Variants in APAF1 observed in about 807,000 individuals in gnomAD.
APAF1 encodes the protein apoptotic protease-activating factor 1.
APAF1 carries 91 observed loss-of-function variants against 152.4 expected under a neutral mutation model. The observed-to-expected ratio is 0.60, with a 90% CI of 0.50 to 0.71. APAF1 has a LOEUF of 0.71. Ranked by LOEUF, APAF1 falls within the 30% of genes least tolerant of loss-of-function variation. APAF1 has a pLI of 0.00. For missense variants in APAF1, 1,283 were observed against 1,472.0 expected, an observed-to-expected ratio of 0.87 and a Z score of 2.10; for synonymous variants, 484 against 494.1, an observed-to-expected ratio of 0.98 and a Z score of 0.27.
In APAF1 at chr12:98,648,800, G is replaced by A; in HGVS notation, c.313G>A (p.Gly105Arg). Reference protein sequence around the residue: ...SSSSGKDSVSGITSYVRTVLC... With the variant: ...SSSSGKDSVSRITSYVRTVLC... Reference sequence around the variant, plus strand: ...TTCCAGTGGTAAAGATTCAGTTAGTGGAATAACTTCGTATGGTTTGTATCC... The same window carrying A: ...TTCCAGTGGTAAAGATTCAGTTAGTAGAATAACTTCGTATGGTTTGTATCC... The change falls in exon 3 of 27, where the codon GGA becomes AGA. Residue 105 changes from glycine to arginine, a missense_variant. Physicochemically the swap from Gly to Arg is moderately radical, Grantham distance 125 (BLOSUM62 -2). Transcript: ENST00000551964. The A allele has an allele frequency of 6.2e-7, 1 of 1,613,786 alleles. No individual in the cohort carries two copies. Among genetic ancestry groups the A allele is most frequent in the South Asian group, 1.1e-5 (1 of 91,074 alleles).
intron 14 of APAF1, among the ~76,000 whole-genome samples, chr12:98,681,876 G>A (rs925074632): frequency 5.3e-5 from 8 of 152,246 alleles, no homozygotes; most frequent in Admixed American, 4.6e-4. Context: ...GACCTCTGGG[G>A]ATTCTAATCA....
rs2097687838 is a variant in APAF1 at position 98,677,468 on chromosome 12, C to T, written c.1837C>T (p.Pro613Ser). Reference sequence around the variant, plus strand: ...GAATCTTTCCCGCTTAGTTGTCCGCCCCCACACAGATGCTGTTTACCATGC... The same window carrying T: ...GAATCTTTCCCGCTTAGTTGTCCGCTCCCACACAGATGCTGTTTACCATGC... ...ITNLSRLVVR[P>S]HTDAVYHACF... The change falls in exon 13 of 27, where the codon CCC becomes TCC. Residue 613 changes from proline to serine, a missense_variant. By Grantham distance (74) the Pro-to-Ser change is moderately conservative. Coordinates refer to ENST00000551964, the MANE Select transcript of APAF1 (RefSeq NM_181861.2). The T allele has an allele frequency of 6.2e-7, 1 of 1,614,008 alleles. No individual in the cohort carries two copies.
intron 13 of APAF1, among the ~76,000 whole-genome samples, chr12:98,679,305 C>T (rs2097689871): frequency 6.6e-6 from 1 of 152,130 alleles, no homozygotes; most frequent in African/African-American, 2.4e-5. Context: ...GAGGAGCTAC[C>T]CTCTCTGCTG....
rs1211761456 is a variant in APAF1, at chr12:98,727,299, G to C, written c.3583G>C (p.Ala1195Pro). 1 of 1,613,964 alleles carries C rather than the reference G, an allele frequency of 6.2e-7. No individual in the cohort carries two copies. Among genetic ancestry groups the C allele is most frequent in the Non-Finnish European group, 8.5e-7 (1 of 1,180,012 alleles). ...FSPDGKMLIS[A>P]GGYIKWWNVV... is the part of the protein sequence containing the mutation. ...TCCAGATGGCAAAATGCTTATCTCTGCTGGAGGATATATTAAGGTAAGAGT... is the reference window on the plus strand; with the variant it reads ...TCCAGATGGCAAAATGCTTATCTCTCCTGGAGGATATATTAAGGTAAGAGT... The change falls in exon 26 of 27, where the codon GCT becomes CCT. Residue 1195 changes from alanine to proline, a missense_variant. Coordinates refer to ENST00000551964, the MANE Select transcript of APAF1 (RefSeq NM_181861.2).
chr12:98,662,606 T>A lies in APAF1; in HGVS notation c.823+38T>A. The stretch of plus-strand genomic sequence containing the variant: ...CGTTTACTTTTTAGTACCTTTATAT[T>A]TAATTTAATTACATTTAAATATGTG... On this transcript the variant is annotated intron_variant, in intron 6 of 26. Coordinates refer to ENST00000551964, the MANE Select transcript of APAF1 (RefSeq NM_181861.2). 7 of 1,599,120 alleles carry A rather than the reference T, an allele frequency of 4.4e-6. No homozygotes were observed. In the African/African-American group the frequency reaches 5.4e-5, roughly 12 times the overall value.
At chr12:98,671,290 G>A (rs1365672495) in intron 11 of APAF1, among the ~76,000 whole-genome samples, 1 of 152,042 alleles carries the variant, frequency 6.6e-6, no homozygotes. Context: ...AGGAAAATAA[G>A]ATGTTCAGTG....
chr12:98,660,604 C>A lies in APAF1; in HGVS notation c.710+1261C>A, dbSNP rs117235066. On this transcript the variant is annotated intron_variant, in intron 5 of 26. Coordinates refer to ENST00000551964, the MANE Select transcript of APAF1 (RefSeq NM_181861.2). ...TTGCTGCTTGTCTTAAGAGTATAACCTTGGATTCAGTCAACAATTTGATTT... is the reference window on the plus strand; with the variant it reads ...TTGCTGCTTGTCTTAAGAGTATAACATTGGATTCAGTCAACAATTTGATTT... 5.2e-3 allele frequency among the ~76,000 whole-genome samples: 790 copies of A among 152,294 alleles called. 2 individuals carry two copies. Among genetic ancestry groups the A allele is most frequent in the Non-Finnish European group, 8.2e-3 (557 of 68,024 alleles).
At chr12:98,724,292 T>A (rs2097747226) in intron 24 of APAF1, among the ~76,000 whole-genome samples, 3 of 152,136 alleles carry the variant, frequency 2.0e-5, no homozygotes, top group South Asian at 4.1e-4. Flanking sequence ...TCTTCTCCTC[T>A]TTGTCACCAC....
intron 14 of APAF1, among the ~76,000 whole-genome samples, chr12:98,681,359 G>A (rs748926828): frequency 1.3e-5 from 2 of 152,148 alleles, no homozygotes; most frequent in African/African-American, 2.4e-5. Flanking sequence ...ACTGTGCCCC[G>A]CCAGAGAGTA....
chr12:98,705,841 T>C (rs2097720813), intron 18 of APAF1, among the ~76,000 whole-genome samples: 1 of 152,222 alleles, frequency 6.6e-6, no homozygotes, highest in African/African-American at 2.4e-5. Context: ...TTCATCCTAT[T>C]ATTTTTTGGA....
chr12:98,670,330 G>A (rs1041355262), intron 10 of APAF1, among the ~76,000 whole-genome samples: 5 of 152,032 alleles, frequency 3.3e-5, no homozygotes, highest in Admixed American at 6.6e-5. Flanking sequence ...TTTGATTACC[G>A]GTGAGATTTT....
chr12:98,706,378 T>C, intron 18 of APAF1, 107 bp from the exon 19 acceptor site: 1 of 1,068,488 alleles, frequency 9.4e-7, no homozygotes, highest in Non-Finnish European at 1.5e-6. Flanking sequence ...TTCTGAGCAA[T>C]ATTCATTGAA....
chr12:98,648,079 A>G (rs2097644150), intron 1 of APAF1, among the ~76,000 whole-genome samples: 1 of 152,188 alleles, frequency 6.6e-6, no homozygotes, highest in South Asian at 2.1e-4. Flanking sequence ...CTTATTTTAA[A>G]CAATTCCATA....
intron 13 of APAF1, among the ~76,000 whole-genome samples, chr12:98,678,481 A>T (rs1050896416): frequency 6.6e-6 from 1 of 152,190 alleles, no homozygotes; most frequent in Non-Finnish European, 1.5e-5. Flanking sequence ...TGGACCTGGG[A>T]ACCCGCTCCA....
At chr12:98,647,130 G>T (rs1409127719) in intron 1 of APAF1, among the ~76,000 whole-genome samples, 3 of 151,844 alleles carry the variant, frequency 2.0e-5, no homozygotes, top group Non-Finnish European at 4.4e-5. Context: ...ATTGACAGTA[G>T]AGGCCGGGCA....
At chr12:98,709,412 G>A (rs1450267942) in intron 20 of APAF1, among the ~76,000 whole-genome samples, 1 of 152,128 alleles carries the variant, frequency 6.6e-6, no homozygotes, top group African/African-American at 2.4e-5. Flanking sequence ...CAGAGGAATG[G>A]TATTCAGGAG....
intron 18 of APAF1, among the ~76,000 whole-genome samples, chr12:98,704,510 T>C (rs1272047966): frequency 2.0e-5 from 3 of 152,230 alleles, no homozygotes; most frequent in African/African-American, 7.2e-5. Context: ...TGCCCATTAC[T>C]GTGAAGGTGT....
intron 20 of APAF1, among the ~76,000 whole-genome samples, chr12:98,710,495 G>C (rs2097726781): frequency 6.6e-6 from 1 of 152,180 alleles, no homozygotes; most frequent in Non-Finnish European, 1.5e-5. Flanking sequence ...GAAGACGAGA[G>C]TAATAGAGCA....
chr12:98,671,684 G>A lies in APAF1; in HGVS notation c.1758G>A (p.Gln586=). The A allele has an allele frequency of 6.2e-7, 1 of 1,614,070 alleles. No individual in the cohort carries two copies. Among genetic ancestry groups the A allele is most frequent in the Non-Finnish European group, 8.5e-7 (1 of 1,180,014 alleles). The part of the protein sequence containing the change: ...VYQQAKLQAK[Q]EVDNGMLYLE... The stretch of plus-strand genomic sequence containing the variant: ...AGCAAGCTAAGCTGCAGGCCAAGCA[G>A]GAGGTCGATAATGGAATGCTTTACC... Residue 586 remains glutamine, a synonymous_variant, in exon 12 of 27, where the codon CAG becomes CAA. Transcript: ENST00000551964.
Sources: gnomAD v4.1 joint callset for allele counts (sites outside exome capture counted in the v4.1 genomes callset) on GRCh38, gnomAD v4.1.1 for gene constraint, MANE v1.5 for transcripts, NCBI Gene and HGNC (gene_info 2026-07-23, HGNC 2026-07-21) for gene names.